ALDH1L1: variants seen among roughly 807,000 people sequenced by gnomAD.
ALDH1L1 encodes the protein cytosolic 10-formyltetrahydrofolate dehydrogenase.
ALDH1L1 carries 68 observed loss-of-function variants against 101.1 expected under a neutral mutation model. The observed-to-expected ratio is 0.67, with a 90% CI of 0.55 to 0.82. The LOEUF is 0.82. ALDH1L1 is among the 40% of genes least tolerant of loss of function. The probability of loss-of-function intolerance (pLI) is 0.00; values close to 1 mark genes in which losing one functional copy is unlikely to be tolerated. For synonymous variants in ALDH1L1, 486 were observed against 470.8 expected, an observed-to-expected ratio of 1.03 and a Z score of -0.42; for missense variants, 1,087 against 1,172.7, an observed-to-expected ratio of 0.93 and a Z score of 1.07.
At chr3:126,131,301 G>C in intron 13 of ALDH1L1, 83 bp downstream of exon 13, 1 of 1,430,720 alleles carries the variant, frequency 7.0e-7, no homozygotes, top group Admixed American at 2.1e-5. Context: ...GCAGCATGCA[G>C]ATGACTGTGC....
At chr3:126,128,624 C>G (rs1418270587) in intron 14 of ALDH1L1, 1 of 152,360 alleles carries the variant, frequency 6.6e-6, no homozygotes, top group African/African-American at 2.4e-5. Context: ...CCACCAGGTG[C>G]ATGGTCAGCA....
chr3:126,113,593 C>T (rs1038782242), intron 18 of ALDH1L1, among the ~76,000 whole-genome samples: 3 of 152,220 alleles, frequency 2.0e-5, no homozygotes, highest in African/African-American at 7.2e-5. Context: ...AGCTAGATCC[C>T]CGTGCTGATG....
chr3:126,175,745 G>A (rs2081355527), intron 1 of ALDH1L1, among the ~76,000 whole-genome samples: 1 of 152,126 alleles, frequency 6.6e-6, no homozygotes, highest in Admixed American at 6.5e-5. Flanking sequence ...CATACTTAAT[G>A]GAGAGAAACT....
intron 9 of ALDH1L1, among the ~76,000 whole-genome samples, chr3:126,144,688 C>T (rs985993498): frequency 6.6e-6 from 1 of 152,172 alleles, no homozygotes; most frequent in Non-Finnish European, 1.5e-5. Context: ...TTGCCCCACA[C>T]ATAAAAATAT....
At chr3:126,114,931 C>G in intron 17 of ALDH1L1, 1 of 524,808 alleles carries the variant, frequency 1.9e-6, no homozygotes, top group South Asian at 1.5e-5. Context: ...GGCCTGTGTT[C>G]CCTTCTCTGG....
At chr3:126,128,201 T>G (rs574583544) in intron 14 of ALDH1L1, among the ~76,000 whole-genome samples, 1 of 152,242 alleles carries the variant, frequency 6.6e-6, no homozygotes, top group South Asian at 2.1e-4. Context: ...TGGTCTCTAG[T>G]AAATTTCCTA....
At chr3:126,196,943 C>T (rs939047726) in intron 1 of ALDH1L1, among the ~76,000 whole-genome samples, 1 of 152,178 alleles carries the variant, frequency 6.6e-6, no homozygotes, top group Non-Finnish European at 1.5e-5. Flanking sequence ...TTTGAGCTTG[C>T]AAAGCCTTTC....
intron 8 of ALDH1L1, among the ~76,000 whole-genome samples, chr3:126,149,553 T>A (rs10934750): frequency 0.45 from 68,627 of 152,028 alleles, 16,310 homozygotes; most frequent in Middle Eastern, 0.62. Flanking sequence ...GGATTTTTTT[T>A]AAACAGACCT....
At chr3:126,146,578 C>A (rs2080687695) in intron 9 of ALDH1L1, among the ~76,000 whole-genome samples, 1 of 152,186 alleles carries the variant, frequency 6.6e-6, no homozygotes, top group South Asian at 2.1e-4. Flanking sequence ...ATCAACTCCT[C>A]CCAAATTCCC....
At chr3:126,159,304 C>T in intron 2 of ALDH1L1, 3 of 398,308 alleles carry the variant, frequency 7.5e-6, no homozygotes, top group Middle Eastern at 4.0e-4. Context: ...CACCAGCACA[C>T]CCTCCTCACA....
intron 18 of ALDH1L1, among the ~76,000 whole-genome samples, chr3:126,113,555 C>T (rs1946147651): frequency 6.6e-6 from 1 of 152,184 alleles, no homozygotes; most frequent in South Asian, 2.1e-4. Flanking sequence ...AATGACAGGG[C>T]CCCGACCTCC....
chr3:126,150,717 G>A lies in ALDH1L1; in HGVS notation c.859-186C>T, dbSNP rs186630565. ...ATTACAGGCGCGCACCACCATGCCCGACTAATTTTTGTTTGTATTTTTAGT... is the reference window on the plus strand; with the variant it reads ...ATTACAGGCGCGCACCACCATGCCCAACTAATTTTTGTTTGTATTTTTAGT... On this transcript the variant is annotated intron_variant, in intron 7 of 22. Transcript: ENST00000393434. 4.6e-5 allele frequency: 26 copies of A among 567,700 alleles called. No individual in the cohort carries two copies. In the Admixed American group the frequency reaches 7.7e-4, roughly 17 times the overall value. The allele number at this position is 567,700 out of a possible 1,614,324, so 35.2% of individuals were successfully genotyped here. A position where few individuals can be genotyped will look rare whatever the true frequency, so the allele number is the denominator to read the frequency against.
At chr3:126,187,179 G>A (rs1472604914) in intron 1 of ALDH1L1, among the ~76,000 whole-genome samples, 1 of 152,144 alleles carries the variant, frequency 6.6e-6, no homozygotes, top group Non-Finnish European at 1.5e-5. Context: ...AAAAGCTATT[G>A]AGAAAGACTC....
intron 1 of ALDH1L1, among the ~76,000 whole-genome samples, chr3:126,188,570 G>A (rs1190045056): frequency 6.6e-6 from 1 of 152,152 alleles, no homozygotes; most frequent in Non-Finnish European, 1.5e-5. Context: ...TTTTGGTCAG[G>A]ATCTCACCTA....
chr3:126,195,790 G>C (rs1254942202), intron 1 of ALDH1L1, among the ~76,000 whole-genome samples: 1 of 152,150 alleles, frequency 6.6e-6, no homozygotes, highest in Non-Finnish European at 1.5e-5. Flanking sequence ...CCATAAAAAA[G>C]GATGAGTTCA....
intron 1 of ALDH1L1, among the ~76,000 whole-genome samples, chr3:126,194,983 C>A (rs796476909): frequency 4.6e-4 from 70 of 152,080 alleles, no homozygotes; most frequent in African/African-American, 1.7e-3. Context: ...CTAAACATCC[C>A]TCTTTTTAAA....
chr3:126,163,418 A>G (rs375770666), intron 1 of ALDH1L1, among the ~76,000 whole-genome samples: 15 of 152,282 alleles, frequency 9.9e-5, no homozygotes, highest in Admixed American at 7.2e-4. Flanking sequence ...CTAATCCTGA[A>G]GTCTTTCATT....
chr3:126,194,464 T>C (rs2108355909), intron 1 of ALDH1L1, among the ~76,000 whole-genome samples: 1 of 152,334 alleles, frequency 6.6e-6, no homozygotes, highest in South Asian at 2.1e-4. Flanking sequence ...TTAAAACACT[T>C]GGTATTATGC....
chr3:126,111,665 T>C (rs1946081184), intron 19 of ALDH1L1, among the ~76,000 whole-genome samples: 1 of 152,282 alleles, frequency 6.6e-6, no homozygotes, highest in South Asian at 2.1e-4. Context: ...CAGCACCAGC[T>C]CTCCTCCAGG....
Sources: allele counts gnomAD v4.1 joint callset (sites outside exome capture counted in the v4.1 genomes callset), GRCh38; gene constraint gnomAD v4.1.1; transcripts MANE v1.5; gene names NCBI Gene and HGNC (gene_info 2026-07-23, HGNC 2026-07-21).